The following MYRFL variants were observed in gnomAD, a reference collection of about 807,000 sequenced individuals.
MYRFL encodes the protein myelin regulatory factor like.
A neutral mutation model predicts 109.4 loss-of-function variants in MYRFL; 88 were observed. The observed-to-expected ratio is 0.80, with a 90% CI of 0.68 to 0.96. The LOEUF is 0.96. Ranked by LOEUF, MYRFL falls within the 40% of genes least tolerant of loss-of-function variation. The pLI, the probability that MYRFL is intolerant of heterozygous loss-of-function variation, is 0.00. For synonymous variants in MYRFL, 324 were observed against 320.9 expected (o/e 1.01, Z -0.10); for missense variants, 957 against 954.9 (o/e 1.00, Z -0.03).
intron 1 of MYRFL, 148 bp downstream of exon 1, chr12:69,825,711 A>G (rs1378730515): frequency 3.3e-6 from 2 of 610,414 alleles, no homozygotes; most frequent in Non-Finnish European, 5.8e-6. Context: ...GTAGGGGTTT[A>G]TTTGCTACAT....
intron 2 of MYRFL, among the ~76,000 whole-genome samples, chr12:69,874,888 G>T (rs1417069124): frequency 6.6e-6 from 1 of 151,276 alleles, no homozygotes; most frequent in African/African-American, 2.4e-5. Flanking sequence ...TTTATTTTTG[G>T]CTTACAGTTA....
chr12:69,895,208 G>A (rs1953946521), intron 8 of MYRFL, among the ~76,000 whole-genome samples, 163 bp from the exon 9 acceptor site: 1 of 152,216 alleles, frequency 6.6e-6, no homozygotes, highest in Non-Finnish European at 1.5e-5. Context: ...TGACCATGCT[G>A]TGGATAGCAG....
chr12:69,878,383 G>GA (rs1885827676), intron 2 of MYRFL, among the ~76,000 whole-genome samples: 1 of 152,068 alleles, frequency 6.6e-6, no homozygotes, highest in East Asian at 1.9e-4. Flanking sequence ...CGCCCAGATG[G>GA]AAAATCATTG....
At chr12:69,877,092 T>C (rs149867274) in intron 2 of MYRFL, among the ~76,000 whole-genome samples, 14,300 of 150,370 alleles carry the variant, frequency 0.095, 703 homozygotes, top group Middle Eastern at 0.15. Context: ...GGCGCGATCT[T>C]GGCTCACTGC....
At chr12:69,946,648 A>G (rs576958392) in intron 19 of MYRFL, 3 of 152,370 alleles carry the variant, frequency 2.0e-5, no homozygotes, top group South Asian at 4.1e-4. Context: ...TTTCAAGTCT[A>G]CAGACAACAC....
At position 69,918,313 on chromosome 12, in the gene MYRFL, G is replaced by A. The variant is rs117698868; in HGVS notation, c.1602+7383G>A. On this transcript the variant is annotated intron_variant, in intron 13 of 24. Coordinates refer to ENST00000552032, the MANE Select transcript of MYRFL (RefSeq NM_182530.3). ...GAGAAACAAAAAGAACCAAAGAACC[G>A]AAAGCAACACCTTAAGGAACACACC... is the stretch of plus-strand genomic sequence containing the variant. Among the ~76,000 whole-genome samples the A allele has an allele frequency of 8.1e-3, 1,238 of 152,176 alleles. 11 individuals carry two copies. Among genetic ancestry groups the A allele is most frequent in the Non-Finnish European group, 0.012 (817 of 68,016 alleles).
intron 2 of MYRFL, among the ~76,000 whole-genome samples, chr12:69,869,166 C>T (rs551632272): frequency 1.6e-3 from 238 of 152,334 alleles, no homozygotes; most frequent in African/African-American, 4.8e-3. Flanking sequence ...CAGATATAAT[C>T]CCTGCCAGTA....
At chr12:69,866,482 T>C (rs1028434384) in intron 2 of MYRFL, among the ~76,000 whole-genome samples, 1 of 152,144 alleles carries the variant, frequency 6.6e-6, no homozygotes, top group Non-Finnish European at 1.5e-5. Context: ...TGCAGGTTAG[T>C]TTCATTTCAT....
At chr12:69,951,294 G>T (rs1478414285) in intron 19 of MYRFL, among the ~76,000 whole-genome samples, 1 of 152,170 alleles carries the variant, frequency 6.6e-6, no homozygotes, top group African/African-American at 2.4e-5. Context: ...AGACCAAGGT[G>T]TCAGCAGGTC....
intron 15 of MYRFL, among the ~76,000 whole-genome samples, chr12:69,929,437 T>C (rs1955202476): frequency 6.6e-6 from 1 of 152,200 alleles, no homozygotes; most frequent in Non-Finnish European, 1.5e-5. Context: ...TTATGAGAGT[T>C]GAGCCTTAAA....
chr12:69,828,017 G>T (rs975061519), intron 1 of MYRFL, among the ~76,000 whole-genome samples: 1 of 152,054 alleles, frequency 6.6e-6, no homozygotes, highest in African/African-American at 2.4e-5. Flanking sequence ...AATATATAAT[G>T]TTATAATCAG....
chr12:69,865,437 A>G (rs1884960675), intron 2 of MYRFL, among the ~76,000 whole-genome samples: 1 of 152,104 alleles, frequency 6.6e-6, no homozygotes, highest in South Asian at 2.1e-4. Flanking sequence ...GACAGAAGGG[A>G]GAGAGTGACT....
At chr12:69,844,309 G>A (rs1252221656) in intron 1 of MYRFL, among the ~76,000 whole-genome samples, 2 of 152,118 alleles carry the variant, frequency 1.3e-5, no homozygotes, top group Admixed American at 6.5e-5. Context: ...GGTTGGGGCC[G>A]GTGGGTGATC....
chr12:69,875,844 A>G (rs897992551), intron 2 of MYRFL, among the ~76,000 whole-genome samples: 2 of 152,068 alleles, frequency 1.3e-5, no homozygotes, highest in Admixed American at 6.5e-5. Flanking sequence ...AAGGTTGGGG[A>G]TTGCTGTTGT....
In MYRFL at chr12:69,935,914, T is replaced by G; in HGVS notation, c.1917-199T>G. 5 of 622,596 alleles carry G rather than the reference T, an allele frequency of 8.0e-6. No homozygotes were observed. The South Asian group carries it at 1.2e-4, about 15-fold the overall frequency. The allele number at this position is 622,596 out of a possible 1,614,324, so 38.6% of individuals were successfully genotyped here. A position where few individuals can be genotyped will look rare whatever the true frequency, so the allele number is the denominator to read the frequency against. Reference sequence around the variant, plus strand: ...GGAATACCTAGGAGCCTCTGAGCTCTTTTTCTCTCCAGGGCAGAAAAGCAT... The same window carrying G: ...GGAATACCTAGGAGCCTCTGAGCTCGTTTTCTCTCCAGGGCAGAAAAGCAT... On this transcript the variant is annotated intron_variant, in intron 16 of 24. Transcript: ENST00000552032.
intron 13 of MYRFL, among the ~76,000 whole-genome samples, chr12:69,919,848 A>AT (rs1954852257): frequency 6.6e-6 from 1 of 152,086 alleles, no homozygotes; most frequent in African/African-American, 2.4e-5. Flanking sequence ...ATAAGGAGAG[A>AT]TTTTCAAGTC....
chr12:69,936,388 C>T, intron 18 of MYRFL, 53 bp downstream of exon 18: 1 of 1,531,664 alleles, frequency 6.5e-7, no homozygotes, highest in Non-Finnish European at 8.7e-7. Flanking sequence ...GAACTGTTAA[C>T]AGAAGAAACC....
At chr12:69,935,460 C>T (rs1451106788) in intron 16 of MYRFL, among the ~76,000 whole-genome samples, 1 of 152,152 alleles carries the variant, frequency 6.6e-6, no homozygotes, top group Non-Finnish European at 1.5e-5. Context: ...TCCCAAGGCT[C>T]GGAACTCTTA....
At chr12:69,864,934 C>T (rs182887810) in intron 2 of MYRFL, among the ~76,000 whole-genome samples, 4 of 152,252 alleles carry the variant, frequency 2.6e-5, no homozygotes, top group Non-Finnish European at 5.9e-5. Flanking sequence ...GCGAATGTTC[C>T]GCTGATTCCA....
Sources: allele counts gnomAD v4.1 joint callset (sites outside exome capture counted in the v4.1 genomes callset), GRCh38; gene constraint gnomAD v4.1.1; transcripts MANE v1.5; gene names NCBI Gene and HGNC (gene_info 2026-07-23, HGNC 2026-07-21).